Variants in DDX4 observed in about 807,000 individuals in gnomAD.
The protein encoded by DDX4 is probable ATP-dependent RNA helicase DDX4.
A neutral mutation model predicts 100.0 loss-of-function variants in DDX4; 25 were observed. That is an observed-to-expected ratio of 0.25 (90% confidence interval 0.18 to 0.35). The LOEUF is 0.35. DDX4 is among the 10% of genes least tolerant of loss of function. DDX4 has a pLI of 1.00. For synonymous variants in DDX4, 259 were observed against 275.7 expected, an observed-to-expected ratio of 0.94 and a Z score of 0.60; for missense variants, 635 against 882.4, an observed-to-expected ratio of 0.72 and a Z score of 3.55.
At chr5:55,771,870 G>T (rs574472869) in intron 7 of DDX4, among the ~76,000 whole-genome samples, 1 of 152,258 alleles carries the variant, frequency 6.6e-6, no homozygotes, top group South Asian at 2.1e-4. Context: ...TTTCTGTTGA[G>T]TATCTTTACT....
intron 7 of DDX4, 117 bp downstream of exon 7, chr5:55,768,057 C>T (rs1741039300): frequency 4.3e-6 from 4 of 920,382 alleles, no homozygotes; most frequent in Non-Finnish European, 5.3e-6. Context: ...AAGAAAAATA[C>T]TTTGGTATAT....
intron 4 of DDX4, 115 bp from the exon 5 acceptor site, chr5:55,763,060 T>C (rs1356071472): frequency 1.5e-6 from 1 of 671,810 alleles, no homozygotes; most frequent in South Asian, 2.0e-5. Context: ...TCTGTGCTAC[T>C]CTTTTCCCAT....
rs1178133073 is a variant in DDX4, at chr5:55,781,968, T to C, written c.612T>C (p.Ser204=). ...ATACTTCTCAAAGCAGAAGTGGCAG[T>C]GGAAGTGAACGAGGTAAGTTCTTAT... is the stretch of plus-strand genomic sequence containing the variant. ...NGDTSQSRSG[S]GSERGGYKGL... Residue 204 remains serine, a synonymous_variant, in exon 10 of 22, where the codon AGT becomes AGC. Coordinates refer to ENST00000505374, the MANE Select transcript of DDX4 (RefSeq NM_024415.3). The C allele has an allele frequency of 6.2e-7, 1 of 1,614,042 alleles. No homozygotes were observed. Among genetic ancestry groups the C allele is most frequent in the Non-Finnish European group, 8.5e-7 (1 of 1,179,978 alleles).
chr5:55,742,349 C>A, intron 2 of DDX4: 1 of 285,488 alleles, frequency 3.5e-6, no homozygotes, highest in South Asian at 3.4e-5. Flanking sequence ...TCACTTCTGT[C>A]TGATCTATTT....
intron 18 of DDX4, among the ~76,000 whole-genome samples, chr5:55,811,530 A>T (rs958958664): frequency 1.3e-5 from 2 of 152,206 alleles, no homozygotes; most frequent in Non-Finnish European, 2.9e-5. Context: ...TCAGTGTTTT[A>T]TGAGTTTAAA....
At chr5:55,781,827 C>T (rs1205890032) in intron 9 of DDX4, 107 bp from the exon 10 acceptor site, 1 of 1,252,796 alleles carries the variant, frequency 8.0e-7, no homozygotes, top group African/African-American at 1.5e-5. Flanking sequence ...GTTAAAGGAC[C>T]AGGATTCCTA....
At chr5:55,744,351 A>C (rs1168812979) in intron 2 of DDX4, among the ~76,000 whole-genome samples, 1 of 152,218 alleles carries the variant, frequency 6.6e-6, no homozygotes, top group Non-Finnish European at 1.5e-5. Flanking sequence ...TTTCATTCTT[A>C]AATTATTAAA....
rs764804497 is a variant in DDX4 at position 55,792,696 on chromosome 5, A to G, written c.1358A>G (p.Asp453Gly). Reference protein sequence around the residue: ...LVLDEADRMLDMGFGPEMKKL... With the variant: ...LVLDEADRMLGMGFGPEMKKL... The stretch of plus-strand genomic sequence containing the variant: ...TTGGATGAAGCTGATCGCATGTTGG[A>G]TATGGGTTTTGGTCCAGAAATGAAG... The change falls in exon 17 of 22, where the codon GAT becomes GGT. Residue 453 changes from aspartate (D) to glycine (G), a missense_variant. By Grantham distance (94) the Asp-to-Gly change is moderately conservative. Coordinates refer to ENST00000505374, the MANE Select transcript of DDX4 (RefSeq NM_024415.3). 6.0e-5 allele frequency: 96 copies of G among 1,601,460 alleles called. No individual in the cohort carries two copies. Among genetic ancestry groups the G allele is most frequent in the Non-Finnish European group, 7.8e-5 (91 of 1,172,442 alleles).
chr5:55,811,853 C>T (rs1744137925), intron 18 of DDX4, among the ~76,000 whole-genome samples: 1 of 152,096 alleles, frequency 6.6e-6, no homozygotes, highest in Non-Finnish European at 1.5e-5. Flanking sequence ...TAGTTGAACA[C>T]AGATTTCCGT....
intron 6 of DDX4, among the ~76,000 whole-genome samples, chr5:55,765,407 A>AT (rs1225727462): frequency 8.1e-4 from 75 of 92,918 alleles, no homozygotes; most frequent in African/African-American, 1.5e-3. Context: ...AAAAAAAAAA[A>AT]AAAAAAATAT....
intron 18 of DDX4, among the ~76,000 whole-genome samples, chr5:55,806,896 C>CGTT (rs1743765876): frequency 6.6e-6 from 1 of 150,956 alleles, no homozygotes; most frequent in Admixed American, 6.6e-5. Context: ...CTTTCTGTCT[C>CGTT]GATCTGTCTA....
intron 18 of DDX4, among the ~76,000 whole-genome samples, chr5:55,799,202 G>T (rs138094884): frequency 1.3e-5 from 2 of 152,064 alleles, no homozygotes; most frequent in East Asian, 1.9e-4. Flanking sequence ...CAAGTAGCTG[G>T]GACTATAGGC....
At chr5:55,748,896 ATACT>A (rs2111632192) in intron 3 of DDX4, among the ~76,000 whole-genome samples, 1 of 152,300 alleles carries the variant, frequency 6.6e-6, no homozygotes, top group East Asian at 1.9e-4. Flanking sequence ...TTTTTTATAA[ATACT>A]TGTCTTGTTT....
At chr5:55,755,100 A>G (rs1021886233) in intron 3 of DDX4, among the ~76,000 whole-genome samples, 8 of 152,104 alleles carry the variant, frequency 5.3e-5, no homozygotes, top group African/African-American at 1.9e-4. Context: ...AGCACCATCT[A>G]AGCATTCTGT....
intron 7 of DDX4, among the ~76,000 whole-genome samples, chr5:55,778,952 A>G (rs1741739915): frequency 6.6e-6 from 1 of 152,138 alleles, no homozygotes; most frequent in African/African-American, 2.4e-5. Flanking sequence ...ACTCTAACAT[A>G]ACACTAATAT....
At chr5:55,754,148 A>C in intron 3 of DDX4, among the ~76,000 whole-genome samples, 1 of 148,472 alleles carries the variant, frequency 6.7e-6, no homozygotes, top group African/African-American at 2.5e-5. Flanking sequence ...TCTTTTCCTA[A>C]TTGAATACCC....
chr5:55,788,272 C>T (rs1742357790), intron 15 of DDX4, among the ~76,000 whole-genome samples: 1 of 151,932 alleles, frequency 6.6e-6, no homozygotes, highest in African/African-American at 2.4e-5. Context: ...GCCAGGAGTT[C>T]GAGACCAGCC....
intron 7 of DDX4, among the ~76,000 whole-genome samples, chr5:55,779,224 G>A (rs1489974004): frequency 6.6e-6 from 1 of 152,060 alleles, no homozygotes; most frequent in Non-Finnish European, 1.5e-5. Flanking sequence ...TTACAGAAAA[G>A]GTTCCAGAAG....
At chr5:55,772,272 A>G (rs143980951) in intron 7 of DDX4, among the ~76,000 whole-genome samples, 195 of 152,298 alleles carry the variant, frequency 1.3e-3, no homozygotes, top group African/African-American at 4.0e-3. Flanking sequence ...GTGGGAATCA[A>G]TATACATTTT....
Sources: gnomAD v4.1 joint callset for allele counts (sites outside exome capture counted in the v4.1 genomes callset) on GRCh38, gnomAD v4.1.1 for gene constraint, MANE v1.5 for transcripts, NCBI Gene and HGNC (gene_info 2026-07-23, HGNC 2026-07-21) for gene names.